Variants in ZNF367 observed in about 807,000 individuals in gnomAD.
The protein encoded by ZNF367 is C2H2 zinc finger protein ZFF29.
A neutral mutation model predicts 31.8 loss-of-function variants in ZNF367; 11 were observed. The observed-to-expected ratio is 0.35, with a 90% CI of 0.22 to 0.57. The LOEUF is 0.57. Ranked by LOEUF, ZNF367 falls within the 20% of genes least tolerant of loss-of-function variation. ZNF367 has a pLI of 0.85. For synonymous variants in ZNF367, 199 were observed against 202.4 expected, an observed-to-expected ratio of 0.98 and a Z score of 0.14; for missense variants, 353 against 484.1, an observed-to-expected ratio of 0.73 and a Z score of 2.54.
chr9:96,406,389 A>G (rs1213119284), intron 1 of ZNF367, among the ~76,000 whole-genome samples: 1 of 152,340 alleles, frequency 6.6e-6, no homozygotes, highest in Admixed American at 6.5e-5. Flanking sequence ...CAATCCCTAC[A>G]TGGATGAATT....
At chr9:96,409,276 T>C (rs1040449333) in intron 1 of ZNF367, among the ~76,000 whole-genome samples, 1 of 152,226 alleles carries the variant, frequency 6.6e-6, no homozygotes, top group Non-Finnish European at 1.5e-5. Context: ...TATTCTTTTA[T>C]AGCAATGCAA....
chr9:96,417,264 A>T lies in ZNF367; in HGVS notation c.420+349T>A, dbSNP rs571235206. On this transcript the variant is annotated intron_variant, in intron 1 of 4. Coordinates refer to ENST00000375256, the MANE Select transcript of ZNF367 (RefSeq NM_153695.4). The surrounding 1 kb of genome is among the most constrained non-coding windows in gnomAD (Gnocchi z 5.0). ...CTGCCCTCTCGCAGTCGGTGGAACA[A>T]CTCAAGGCCCTCATCCCTCTCGTTT... is the stretch of plus-strand genomic sequence containing the variant. Among the ~76,000 whole-genome samples the T allele has an allele frequency of 6.6e-6, 1 of 152,064 alleles. No individual in the cohort carries two copies. Among genetic ancestry groups the T allele is most frequent in the South Asian group, 2.1e-4 (1 of 4,814 alleles).
intron 4 of ZNF367, among the ~76,000 whole-genome samples, chr9:96,389,295 G>A (rs1421612686): frequency 3.7e-5 from 5 of 136,238 alleles, no homozygotes; most frequent in South Asian, 2.2e-4. Flanking sequence ...GCGAGACTCC[G>A]TTTCAAGAAA....
At chr9:96,394,606 C>T (rs1046335688) in intron 3 of ZNF367, among the ~76,000 whole-genome samples, 13 of 152,106 alleles carry the variant, frequency 8.5e-5, no homozygotes, top group East Asian at 7.7e-4. Flanking sequence ...AATATGTATA[C>T]GTACTGTGTA....
chr9:96,400,609 A>C (rs1831591128), intron 1 of ZNF367, among the ~76,000 whole-genome samples: 1 of 152,144 alleles, frequency 6.6e-6, no homozygotes, highest in Non-Finnish European at 1.5e-5. Context: ...TAGAACAATC[A>C]GCCAACTTGA....
intron 1 of ZNF367, chr9:96,407,137 T>C (rs10990975): frequency 5.9e-6 from 3 of 510,186 alleles, no homozygotes; most frequent in Admixed American, 3.5e-5. Flanking sequence ...CTGGGCAACA[T>C]AGCAAGACCC....
At chr9:96,400,299 G>C (rs1831584875) in intron 1 of ZNF367, among the ~76,000 whole-genome samples, 1 of 150,740 alleles carries the variant, frequency 6.6e-6, no homozygotes, top group Non-Finnish European at 1.5e-5. Context: ...AGGCTGAGGT[G>C]GGAGAATTAC....
chr9:96,398,837 A>G (rs926998077), intron 1 of ZNF367, among the ~76,000 whole-genome samples: 3 of 152,198 alleles, frequency 2.0e-5, no homozygotes, highest in Non-Finnish European at 2.9e-5. Context: ...CCAGAGGAAG[A>G]AATTCTGAAA....
Position 96,392,415 on chromosome 9 carries a change from C to G in ZNF367, c.813G>C (p.Ala271=), listed in dbSNP as rs775605528. The part of the protein sequence containing the change: ...SKHQAADNKA[A]AEWLARYWEM... Reference sequence around the variant, plus strand: ...TTCCTGACCTCGCCAGCCACTCGGCCGCGGCCTTGTTGTCGGCAGCCTGAT... The same window carrying G: ...TTCCTGACCTCGCCAGCCACTCGGCGGCGGCCTTGTTGTCGGCAGCCTGAT... The change falls in exon 4 of 5, where the codon GCG becomes GCC. Residue 271 remains alanine (A), a synonymous_variant. Transcript: ENST00000375256. The G allele has an allele frequency of 1.2e-6, 2 of 1,614,212 alleles. No individual in the cohort carries two copies. The highest frequency in any genetic ancestry group is 8.5e-7 in the Non-Finnish European group (1 of 1,180,036).
At chr9:96,394,797 C>T (rs376707105) in intron 3 of ZNF367, 26 bp downstream of exon 3, 1 of 1,606,062 alleles carries the variant, frequency 6.2e-7, no homozygotes, top group Non-Finnish European at 8.5e-7. Flanking sequence ...CTAGTTATTC[C>T]ATAAACTTAA....
intron 1 of ZNF367, among the ~76,000 whole-genome samples, chr9:96,412,994 G>A (rs1021805758): frequency 2.0e-5 from 3 of 151,960 alleles, no homozygotes; most frequent in Non-Finnish European, 2.9e-5. Context: ...CAGCATGCCC[G>A]GCCAATAGTA....
At chr9:96,400,392 CA>C (rs57650386) in intron 1 of ZNF367, among the ~76,000 whole-genome samples, 15,268 of 71,688 alleles carry the variant, frequency 0.21, 644 homozygotes, top group East Asian at 0.36. Flanking sequence ...GACCCTGTCT[CA>C]AAAAAAAAAA....
intron 1 of ZNF367, among the ~76,000 whole-genome samples, chr9:96,410,214 G>A (rs1362182091): frequency 5.4e-5 from 8 of 149,208 alleles, no homozygotes; most frequent in African/African-American, 2.0e-4. Flanking sequence ...GGCCGAGATC[G>A]CACCACTGCA....
chr9:96,413,637 T>C (rs1356310099), intron 1 of ZNF367, among the ~76,000 whole-genome samples: 3 of 152,186 alleles, frequency 2.0e-5, no homozygotes, highest in East Asian at 1.9e-4. Context: ...AGAAGGCAGT[T>C]AGACCTGCTT....
In ZNF367 at chr9:96,386,906, T is replaced by G. The variant is rs1831413997; in HGVS notation, c.*1331A>C. ...CATATTTCCCTCTATTACTCTGAGT[T>G]TTACTCCAATTAAGCGATCTGTAAG... On this transcript the variant is annotated 3_prime_UTR_variant, in exon 5 of 5. Coordinates refer to ENST00000375256, the MANE Select transcript of ZNF367 (RefSeq NM_153695.4). 6.6e-6 allele frequency: 1 copy of G among 152,150 alleles called. No homozygotes were observed. Among genetic ancestry groups the G allele is most frequent in the Non-Finnish European group, 1.5e-5 (1 of 68,008 alleles). The allele number at this position is 152,150 out of a possible 1,614,324, so 9.4% of individuals were successfully genotyped here.
intron 1 of ZNF367, chr9:96,407,838 C>A: frequency 1.3e-6 from 1 of 780,396 alleles, no homozygotes; most frequent in East Asian, 2.8e-5. Flanking sequence ...TGGTCTCGAT[C>A]TCTCTGATCC....
At chr9:96,396,667 T>C (rs1472584847) in intron 2 of ZNF367, among the ~76,000 whole-genome samples, 1 of 151,022 alleles carries the variant, frequency 6.6e-6, no homozygotes, top group Non-Finnish European at 1.5e-5. Flanking sequence ...AGAGGTGAAA[T>C]AAATTTTTTT....
Position 96,417,866 on chromosome 9 carries a change from A to AGCG in ZNF367, c.164_166dup (p.Pro55dup), listed in dbSNP as rs745796993. 42 of 1,516,512 alleles carry AGCG rather than the reference A, an allele frequency of 2.8e-5. No individual in the cohort carries two copies. Among genetic ancestry groups the AGCG allele is most frequent in the African/African-American group, 4.4e-5 (3 of 68,884 alleles). The allele number at this position is 1,516,512 out of a possible 1,614,324, so 93.9% of individuals were successfully genotyped here. On this transcript the variant is annotated inframe_insertion, in exon 1 of 5. Coordinates refer to ENST00000375256, the MANE Select transcript of ZNF367 (RefSeq NM_153695.4). This position sits in a 1 kb window ranked among gnomAD's most constrained non-coding sequence, Gnocchi z 5.0. ...GCTGAAGCCGGGGCTGGTGGGGATG[A>AGCG]GCGGCGGCGGCGGCTCCGGCTCCCC...
At chr9:96,412,583 C>G (rs1831764144) in intron 1 of ZNF367, among the ~76,000 whole-genome samples, 1 of 152,180 alleles carries the variant, frequency 6.6e-6, no homozygotes, top group Non-Finnish European at 1.5e-5. Flanking sequence ...CCTATCTTCA[C>G]AACTTCTCAA....
Sources: allele counts gnomAD v4.1 joint callset (sites outside exome capture counted in the v4.1 genomes callset), GRCh38; gene constraint gnomAD v4.1.1; non-coding constraint Gnocchi (gnomAD v3.1); transcripts MANE v1.5; gene names NCBI Gene and HGNC (gene_info 2026-07-23, HGNC 2026-07-21).